The following DUOX2 variants were observed in gnomAD, a reference collection of about 807,000 sequenced individuals.
The protein encoded by DUOX2 is NADH/NADPH thyroid oxidase p138-tox.
DUOX2 carries 185 observed loss-of-function variants against 183.3 expected under a neutral mutation model. The ratio of observed to expected loss-of-function variants is 1.01; its 90% confidence interval spans 0.90 to 1.14. DUOX2 has a LOEUF of 1.14. DUOX2 is among the 50% of genes most tolerant of loss of function. DUOX2 has a pLI of 0.00. For synonymous variants in DUOX2, 788 were observed against 812.4 expected, an observed-to-expected ratio of 0.97 and a Z score of 0.51; for missense variants, 1,999 against 2,022.9, an observed-to-expected ratio of 0.99 and a Z score of 0.23.
intron 9 of DUOX2, 67 bp from the exon 10 acceptor site, chr15:45,110,047 C>A: frequency 2.8e-6 from 4 of 1,436,044 alleles, no homozygotes; most frequent in South Asian, 2.3e-5. Flanking sequence ...GTTGAGTGGG[C>A]TGAGGGACTC....
At position 45,094,655 on chromosome 15, in the gene DUOX2, G is replaced by C; in HGVS notation, c.4432C>G (p.Arg1478Gly). 1 of 1,614,114 alleles carries C rather than the reference G, an allele frequency of 6.2e-7. No individual in the cohort carries two copies. Among genetic ancestry groups the C allele is most frequent in the Non-Finnish European group, 8.5e-7 (1 of 1,180,002 alleles). ...CERHFQKVLNRSLFTGLRSIT... is the reference protein window; with the variant it reads ...CERHFQKVLNGSLFTGLRSIT... ...GAGCGCAGGCCCGTGAACAGACTCC[G>C]GTTCAGCACTTTCTGGAAGTGCCGC... Residue 1478 changes from arginine (R) to glycine (G), a missense_variant, in exon 33 of 34, where the codon CGG becomes GGG. Arg to Gly is a moderately radical substitution (Grantham distance 125). This residue lies in a region of DUOX2 where 1,628 missense variants were observed against 1,608.6 expected (regional missense o/e 1.01). Transcript: ENST00000389039.
rs766784546 is a variant in DUOX2 at position 45,112,642 on chromosome 15, G to C, written c.237C>G (p.Pro79=). The C allele has an allele frequency of 1.2e-6, 2 of 1,612,872 alleles. No homozygotes were observed. The highest frequency in any genetic ancestry group is 1.7e-6 in the Non-Finnish European group (2 of 1,179,902). Residue 79 remains proline, a synonymous_variant, in exon 4 of 34, where the codon CCC becomes CCG. Coordinates refer to ENST00000389039, the MANE Select transcript of DUOX2 (RefSeq NM_001363711.2). The part of the protein sequence containing the change: ...VYQALEEPQL[P]NPRRLSNAAT... ...CTGCGTTGCTGAGCCGGCGCGGGTT[G>C]GGCAGCTGCGGCTCCTCCAGAGCCT... is the stretch of plus-strand genomic sequence containing the variant.
chr15:45,107,942 G>A, intron 13 of DUOX2, 105 bp downstream of exon 13: 4 of 1,314,476 alleles, frequency 3.0e-6, no homozygotes, highest in Non-Finnish European at 4.4e-6. Flanking sequence ...GGGTGTGGTG[G>A]GCTGACTGGG....
chr15:45,098,360 A>G (rs1401947589), intron 26 of DUOX2, among the ~76,000 whole-genome samples: 1 of 152,158 alleles, frequency 6.6e-6, no homozygotes, highest in Admixed American at 6.5e-5. Context: ...TGTTTCATTC[A>G]CTGCTCTATC....
chr15:45,101,837 C>T lies in DUOX2; in HGVS notation c.2807G>A (p.Arg936His), dbSNP rs774192350. The change falls in exon 21 of 34, where the codon CGC (arginine) becomes CAC (histidine). Residue 936 changes from arginine to histidine, a missense_variant. Arg to His is a conservative substitution (Grantham distance 29, BLOSUM62 0). This residue lies in a region of DUOX2 where 1,628 missense variants were observed against 1,608.6 expected (regional missense o/e 1.01). Coordinates refer to ENST00000389039, the MANE Select transcript of DUOX2 (RefSeq NM_001363711.2). Reference sequence around the variant, plus strand: ...ACCTTTGACACAGAGCTGCGTGAAGCGGAGCTCGCTGTCATGGTCCCGCAG... The same window carrying T: ...ACCTTTGACACAGAGCTGCGTGAAGTGGAGCTCGCTGTCATGGTCCCGCAG... ...FMLRDHDSEL[R>H]FTQLCVKGGG... 22 of 1,614,218 alleles carry T rather than the reference C, an allele frequency of 1.4e-5. No homozygotes were observed. Among genetic ancestry groups the T allele is most frequent in the Non-Finnish European group, 1.8e-5 (21 of 1,180,038 alleles).
chr15:45,097,500 G>T (rs557823996), intron 28 of DUOX2, 109 bp from the exon 29 acceptor site: 1 of 1,612,004 alleles, frequency 6.2e-7, no homozygotes, highest in Non-Finnish European at 8.5e-7. Flanking sequence ...TGAGGTCTGG[G>T]GTCTTAAATC....
rs1296870866 is a variant in DUOX2, at chr15:45,106,513, C to A, written c.1945+15G>T. On this transcript the variant is annotated intron_variant, in intron 16 of 33. Transcript: ENST00000389039. ...CCTCCGTCCCTCCTCCCTCCTCTGC[C>A]CAGCCCCTGCTCACCTGGCACTCCA... The A allele has an allele frequency of 6.2e-7, 1 of 1,613,508 alleles. No homozygotes were observed. The highest frequency in any genetic ancestry group is 1.3e-5 in the African/African-American group (1 of 74,896).
At chr15:45,103,386 A>G (rs61626661) in intron 20 of DUOX2, among the ~76,000 whole-genome samples, 13,175 of 152,268 alleles carry the variant, frequency 0.087, 634 homozygotes, top group African/African-American at 0.13. Flanking sequence ...CCCTTATGGC[A>G]TGGAGGGGAG....
rs1156851013 is a variant in DUOX2, at chr15:45,100,086, C to T, written c.3148G>A (p.Ala1050Thr). Reference protein sequence around the residue: ...RHIVCVAIFSAICVGVFADRA... With the variant: ...RHIVCVAIFSTICVGVFADRA... ...TCTGCAAACACGCCAACACAGATGG[C>T]CGAGAAGATTGCCACACACACGATG... is the stretch of plus-strand genomic sequence containing the variant. The change falls in exon 24 of 34, where the codon GCC (alanine) becomes ACC (threonine). Residue 1050 changes from alanine (A) to threonine (T), a missense_variant. Physicochemically the swap from Ala to Thr is moderately conservative, Grantham distance 58. Coordinates refer to ENST00000389039, the MANE Select transcript of DUOX2 (RefSeq NM_001363711.2). 2 of 1,614,238 alleles carry T rather than the reference C, an allele frequency of 1.2e-6. No homozygotes were observed. The highest frequency in any genetic ancestry group is 1.7e-6 in the Non-Finnish European group (2 of 1,180,040).
intron 30 of DUOX2, 116 bp downstream of exon 30, chr15:45,095,712 G>A (rs1023531092): frequency 2.3e-5 from 36 of 1,549,822 alleles, no homozygotes; most frequent in South Asian, 8.0e-5. Context: ...GAGGCACCCC[G>A]GTCCTCTCCC....
Position 45,109,724 on chromosome 15 carries a change from C to T in DUOX2, c.1132-98G>A, listed in dbSNP as rs1894327223. On this transcript the variant is annotated intron_variant, in intron 10 of 33. Coordinates refer to ENST00000389039, the MANE Select transcript of DUOX2 (RefSeq NM_001363711.2). ...TACCCCAGGACAAAGGGCCCTTGGC[C>T]AGTCCCAGACTCTCTTGAACTGTTG... The T allele has an allele frequency of 2.2e-6, 3 of 1,370,588 alleles. No homozygotes were observed. The Admixed American group carries it at 5.2e-5, about 24-fold the overall frequency. 84.9% of individuals were successfully genotyped at this position (1,370,588 alleles called of 1,614,324 possible). A position where few individuals can be genotyped will look rare whatever the true frequency, so the allele number is the denominator to read the frequency against.
At position 45,104,067 on chromosome 15, in the gene DUOX2, A is replaced by G; in HGVS notation, c.2561-14T>C. On this transcript the variant is annotated splice_polypyrimidine_tract_variant and intron_variant, in intron 19 of 33. Transcript: ENST00000389039. Reference sequence around the variant, plus strand: ...CCTCTGGGGAGCCTGGGAAGAAAAAAGGGAATGCAGGTCATCTCCTTGCTG... The same window carrying G: ...CCTCTGGGGAGCCTGGGAAGAAAAAGGGGAATGCAGGTCATCTCCTTGCTG... The G allele has an allele frequency of 1.2e-6, 2 of 1,614,182 alleles. No homozygotes were observed. The highest frequency in any genetic ancestry group is 1.7e-6 in the Non-Finnish European group (2 of 1,180,018).
Position 45,107,380 on chromosome 15 carries a change from C to T in DUOX2, c.1658G>A (p.Ser553Asn). ...VLVAVINIDP[S>N]ALQPNVFVWH... is the part of the protein sequence containing the mutation. ...GACAAAGACATTGGGCTGCAGGGCA[C>T]TGGGGTCAATGTTGATAACAGCGAC... is the stretch of plus-strand genomic sequence containing the variant. The change falls in exon 14 of 34, where the codon AGT (serine) becomes AAT (asparagine). Residue 553 changes from serine to asparagine, a missense_variant. Physicochemically the swap from Ser to Asn is conservative, Grantham distance 46. This residue lies in a region of DUOX2 where 1,628 missense variants were observed against 1,608.6 expected (regional missense o/e 1.01). Transcript: ENST00000389039. 6.2e-7 allele frequency: 1 copy of T among 1,614,238 alleles called. No homozygotes were observed. Among genetic ancestry groups the T allele is most frequent in the Non-Finnish European group, 8.5e-7 (1 of 1,180,042 alleles).
In DUOX2 at chr15:45,104,297, G is replaced by A; in HGVS notation, c.2403C>T (p.Ala801=). 6.2e-7 allele frequency: 1 copy of A among 1,614,088 alleles called. No individual in the cohort carries two copies. Among genetic ancestry groups the A allele is most frequent in the East Asian group, 2.2e-5 (1 of 44,880 alleles). ...PLDSSQKVRE[A]LTCELSRAEF... ...CGGCCCTGCTCAGCTCGCAGGTCAG[G>A]GCCTCCCGCACCTTCTGGGAGGAGT... The change falls in exon 19 of 34, where the codon GCC becomes GCT. Residue 801 remains alanine (A), a synonymous_variant. Transcript: ENST00000389039.
chr15:45,102,105 G>A (rs1566973862), intron 20 of DUOX2, 116 bp from the exon 21 acceptor site: 6 of 1,335,562 alleles, frequency 4.5e-6, no homozygotes, highest in East Asian at 5.0e-5. Context: ...CCGGGAAATG[G>A]CACTGAGAAG....
At chr15:45,094,805 G>A in intron 32 of DUOX2, 114 bp from the exon 33 acceptor site, 1 of 1,594,472 alleles carries the variant, frequency 6.3e-7, no homozygotes, top group Non-Finnish European at 8.6e-7. Flanking sequence ...TGGAGGCTGA[G>A]GATCAGGCCA....
In DUOX2 at chr15:45,100,216, G is replaced by T. The variant is rs1449355202; in HGVS notation, c.3018C>A (p.Pro1006=). The change falls in exon 24 of 34, where the codon CCC becomes CCA. Residue 1006 remains proline, a synonymous_variant. Coordinates refer to ENST00000389039, the MANE Select transcript of DUOX2 (RefSeq NM_001363711.2). ...GCGCCTCTGTGTACAGCCGGGGAGT[G>T]GGCACTGCTGCCCTATAGCAAGGGG... is the stretch of plus-strand genomic sequence containing the variant. ...KKRFGKKAAV[P]TPRLYTEALQ... is the part of the protein sequence containing the mutation. 7 of 1,613,616 alleles carry T rather than the reference G, an allele frequency of 4.3e-6. No individual in the cohort carries two copies. The highest frequency in any genetic ancestry group is 1.3e-5 in the African/African-American group (1 of 75,036).
chr15:45,110,070 C>A (rs1176561285), intron 9 of DUOX2, 90 bp from the exon 10 acceptor site: 9 of 1,205,998 alleles, frequency 7.5e-6, no homozygotes, highest in African/African-American at 1.5e-5. Context: ...TGGGGGTTCA[C>A]TAGGATTGAG....
At chr15:45,103,878 T>G in intron 20 of DUOX2, 82 bp downstream of exon 20, 1 of 1,456,062 alleles carries the variant, frequency 6.9e-7, no homozygotes, top group Non-Finnish European at 9.6e-7. Flanking sequence ...AGAGCCTCTT[T>G]GCCAGCCCTC....
Sources: gnomAD v4.1 joint callset for allele counts (sites outside exome capture counted in the v4.1 genomes callset) on GRCh38, gnomAD v4.1.1 for gene constraint, gnomAD v4.1.1 regional missense constraint, MANE v1.5 for transcripts, NCBI Gene and HGNC (gene_info 2026-07-23, HGNC 2026-07-21) for gene names.